Variants in ASCC3 observed in about 807,000 individuals in gnomAD.
ASCC3 encodes the protein ASC-1 complex subunit P200.
A neutral mutation model predicts 256.3 loss-of-function variants in ASCC3; 158 were observed. That is an observed-to-expected ratio of 0.62 (90% CI 0.54 to 0.70). The LOEUF (loss-of-function observed/expected upper bound fraction) is 0.70. ASCC3 is among the 30% of genes least tolerant of loss of function. The pLI is 0.00. For synonymous variants in ASCC3, 948 were observed against 883.4 expected, an observed-to-expected ratio of 1.07 and a Z score of -1.30; for missense variants, 2,259 against 2,626.0, an observed-to-expected ratio of 0.86 and a Z score of 3.05.
At chr6:100,608,522 ATATATATATACTT>A (rs1773152587) in intron 30 of ASCC3, among the ~76,000 whole-genome samples, 3 of 4,752 alleles carry the variant, frequency 6.3e-4, no homozygotes, top group Non-Finnish European at 7.5e-4. Context: ...TATATACTTT[ATATATATATACTT>A]TATATATATA....
intron 1 of ASCC3, among the ~76,000 whole-genome samples, chr6:100,877,557 A>AT (rs1207574064): frequency 6.6e-6 from 1 of 152,114 alleles, no homozygotes; most frequent in African/African-American, 2.4e-5. Context: ...AAAGGGGGTG[A>AT]TTTTTTCATG....
chr6:100,606,993 G>A lies in ASCC3; in HGVS notation c.4881C>T (p.Asp1627=). The A allele has an allele frequency of 3.7e-6, 6 of 1,613,518 alleles. No homozygotes were observed. The highest frequency in any genetic ancestry group is 3.4e-6 in the Non-Finnish European group (4 of 1,179,760). Residue 1627 remains aspartate, a synonymous_variant, in exon 31 of 42, where the codon GAC becomes GAT. Coordinates refer to ENST00000369162, the MANE Select transcript of ASCC3 (RefSeq NM_006828.4). ...GMHHAGLHER[D]RKTVEELFVN... is the part of the protein sequence containing the mutation. The stretch of plus-strand genomic sequence containing the variant: ...CAAATAGTTCCTCTACTGTTTTTCG[G>A]TCCCTCTCATGTAGTCCAGCATGAT...
At chr6:100,815,209 G>A (rs1316644221) in intron 4 of ASCC3, among the ~76,000 whole-genome samples, 1 of 151,962 alleles carries the variant, frequency 6.6e-6, no homozygotes, top group South Asian at 2.1e-4. Flanking sequence ...AGCTAATGAG[G>A]GAGGTAACAG....
intron 14 of ASCC3, among the ~76,000 whole-genome samples, chr6:100,674,327 TCTTG>T (rs1160088517): frequency 1.3e-5 from 2 of 151,946 alleles, no homozygotes; most frequent in South Asian, 2.1e-4. Context: ...TATTTCTTCT[TCTTG>T]CTTATTTTCT....
At chr6:100,724,376 G>A (rs1779522884) in intron 11 of ASCC3, among the ~76,000 whole-genome samples, 1 of 151,874 alleles carries the variant, frequency 6.6e-6, no homozygotes, top group African/African-American at 2.4e-5. Flanking sequence ...GACTGCAGTG[G>A]TTTAGTCAAA....
chr6:100,825,847 T>C (rs1158524981), intron 4 of ASCC3, among the ~76,000 whole-genome samples: 2 of 151,954 alleles, frequency 1.3e-5, no homozygotes, highest in Non-Finnish European at 2.9e-5. Flanking sequence ...TTTATTTCAT[T>C]AAGTTAATCT....
At chr6:100,801,745 A>G (rs1378646918) in intron 5 of ASCC3, among the ~76,000 whole-genome samples, 2 of 151,786 alleles carry the variant, frequency 1.3e-5, no homozygotes, top group Non-Finnish European at 2.9e-5. Context: ...CATACCTACT[A>G]TAATAACAGA....
At chr6:100,767,528 T>C (rs936350116) in intron 8 of ASCC3, among the ~76,000 whole-genome samples, 183 bp from the exon 9 acceptor site, 2 of 152,218 alleles carry the variant, frequency 1.3e-5, no homozygotes, top group African/African-American at 2.4e-5. Flanking sequence ...TATTGTACAA[T>C]TCAAGTATAC....
At chr6:100,703,282 C>T (rs938249895) in intron 13 of ASCC3, among the ~76,000 whole-genome samples, 10 of 152,050 alleles carry the variant, frequency 6.6e-5, no homozygotes, top group East Asian at 1.9e-4. Flanking sequence ...TATATTTAAA[C>T]ACTGTACAAA....
intron 4 of ASCC3, among the ~76,000 whole-genome samples, chr6:100,839,439 C>T (rs1337959345): frequency 2.6e-5 from 4 of 152,004 alleles, no homozygotes; most frequent in Non-Finnish European, 4.4e-5. Context: ...TCTGTTATTG[C>T]CATAAATTGG....
At chr6:100,772,053 T>G (rs1781963021) in intron 8 of ASCC3, among the ~76,000 whole-genome samples, 2 of 151,996 alleles carry the variant, frequency 1.3e-5, no homozygotes, top group Non-Finnish European at 2.9e-5. Flanking sequence ...CTAATTTTTT[T>G]TGTATTTTTA....
Position 100,753,909 on chromosome 6 carries a change from A to G in ASCC3, c.1737+12656T>C, listed in dbSNP as rs141805543. Among the ~76,000 whole-genome samples the G allele has an allele frequency of 1.5e-3, 227 of 152,290 alleles. 1 individual carries two copies. Among genetic ancestry groups the G allele is most frequent in the Middle Eastern group, 3.4e-3 (1 of 294 alleles). ...CAATTTGCTTTACTAATTTCAAAAT[A>G]TTTAATATTAATTACTAATATGGTC... On this transcript the variant is annotated intron_variant, in intron 10 of 41. Coordinates refer to ENST00000369162, the MANE Select transcript of ASCC3 (RefSeq NM_006828.4).
chr6:100,534,419 T>C (rs74581491), intron 37 of ASCC3, among the ~76,000 whole-genome samples: 190 of 152,354 alleles, frequency 1.2e-3, no homozygotes, highest in African/African-American at 4.4e-3. Context: ...AATTTTTCCA[T>C]AAGAGCTAAC....
chr6:100,554,491 T>C (rs1014614629), intron 36 of ASCC3, among the ~76,000 whole-genome samples: 1 of 152,190 alleles, frequency 6.6e-6, no homozygotes, highest in African/African-American at 2.4e-5. Context: ...GCCTGCTCGA[T>C]GTGAGACTAA....
At chr6:100,532,174 T>C (rs1350546464) in intron 37 of ASCC3, among the ~76,000 whole-genome samples, 1 of 151,318 alleles carries the variant, frequency 6.6e-6, no homozygotes, top group East Asian at 1.9e-4. Context: ...TGAAATTACT[T>C]TAACTGCTAA....
intron 34 of ASCC3, among the ~76,000 whole-genome samples, chr6:100,600,248 T>C (rs1328362613): frequency 6.6e-6 from 1 of 150,816 alleles, no homozygotes; most frequent in East Asian, 2.0e-4. Context: ...CAGTTGTAGA[T>C]TATGAGTCAG....
At chr6:100,655,957 A>G in intron 16 of ASCC3, 139 bp from the exon 17 acceptor site, 2 of 895,388 alleles carry the variant, frequency 2.2e-6, no homozygotes, top group Admixed American at 4.1e-5. Context: ...TAGTGACTGG[A>G]CACAACACTT....
intron 34 of ASCC3, among the ~76,000 whole-genome samples, chr6:100,598,157 T>A (rs964342239): frequency 5.9e-5 from 9 of 151,922 alleles, no homozygotes; most frequent in African/African-American, 1.9e-4. Flanking sequence ...GAACCTCTTA[T>A]GTAGACGGTG....
At chr6:100,602,490 A>G (rs1430357998) in intron 33 of ASCC3, among the ~76,000 whole-genome samples, 1 of 152,016 alleles carries the variant, frequency 6.6e-6, no homozygotes, top group Admixed American at 6.6e-5. Context: ...CTTTCAGGAG[A>G]TGAGGACAGC....
Sources: gnomAD v4.1 joint callset for allele counts (sites outside exome capture counted in the v4.1 genomes callset) on GRCh38, gnomAD v4.1.1 for gene constraint, MANE v1.5 for transcripts, NCBI Gene and HGNC (gene_info 2026-07-23, HGNC 2026-07-21) for gene names.